The following PLPPR1 variants were observed in gnomAD, a reference collection of about 807,000 sequenced individuals.
PLPPR1 encodes phospholipid phosphatase related 1.
In PLPPR1, 10 loss-of-function variants were observed where a neutral mutation model predicts 33.1. That is an observed-to-expected ratio of 0.30 (90% CI 0.19 to 0.51). PLPPR1 has a LOEUF of 0.51. Among genes scored for constraint, PLPPR1 ranks in the 20% least tolerant of loss-of-function variants. The pLI is 0.97. For synonymous variants in PLPPR1, 151 were observed against 151.0 expected, an observed-to-expected ratio of 1.00 and a Z score of 0.00; for missense variants, 304 against 408.1, an observed-to-expected ratio of 0.74 and a Z score of 2.20.
intron 2 of PLPPR1, among the ~76,000 whole-genome samples, chr9:101,226,991 G>C (rs1174330561): frequency 6.6e-6 from 1 of 152,162 alleles, no homozygotes; most frequent in Non-Finnish European, 1.5e-5. Context: ...GGCACCAAAA[G>C]AGGCTGAACC....
chr9:101,259,788 G>C (rs752576928), intron 2 of PLPPR1, among the ~76,000 whole-genome samples: 1 of 152,110 alleles, frequency 6.6e-6, no homozygotes, highest in Admixed American at 6.6e-5. Context: ...CAGGGAGGGG[G>C]CTTCCAGGTC....
intron 1 of PLPPR1, among the ~76,000 whole-genome samples, chr9:101,117,009 A>G (rs953330588): frequency 6.6e-6 from 1 of 152,064 alleles, no homozygotes; most frequent in Admixed American, 6.5e-5. Flanking sequence ...CAGGGATATC[A>G]TATCATCGTT....
chr9:101,072,158 A>G (rs1182985711), intron 1 of PLPPR1, among the ~76,000 whole-genome samples: 2 of 152,224 alleles, frequency 1.3e-5, no homozygotes, highest in Middle Eastern at 3.4e-3. Flanking sequence ...TCTAGCGTCA[A>G]TACTGTAAAT....
chr9:101,067,084 G>A (rs989705437), intron 1 of PLPPR1, among the ~76,000 whole-genome samples: 1 of 152,038 alleles, frequency 6.6e-6, no homozygotes, highest in African/African-American at 2.4e-5. Flanking sequence ...TTCAAGCTTT[G>A]TTCTCTGTAA....
At chr9:101,150,113 T>G (rs1212798984) in intron 1 of PLPPR1, among the ~76,000 whole-genome samples, 2 of 152,206 alleles carry the variant, frequency 1.3e-5, no homozygotes, top group Middle Eastern at 3.4e-3. Context: ...ATTTTCCATT[T>G]CTCTGCCAAC....
chr9:101,132,864 C>T (rs561367520), intron 1 of PLPPR1, among the ~76,000 whole-genome samples: 1 of 152,208 alleles, frequency 6.6e-6, no homozygotes, highest in East Asian at 1.9e-4. Context: ...TAGTGAATTC[C>T]AGTACTTAAG....
At position 101,029,675 on chromosome 9, in the gene PLPPR1, T is replaced by TTCTCA. The variant is rs1374263989; in HGVS notation, c.-46+576_-46+580dup. ...AAAATTGGAGGGGCGGCCTTCGGCT[T>TTCTCA]TCTCATCGAGCTCCGGTGCCAAAGG... On this transcript the variant is annotated intron_variant, in intron 1 of 7. Transcript: ENST00000374874. Among the ~76,000 whole-genome samples, 4 of 152,272 alleles carry TTCTCA rather than the reference T, an allele frequency of 2.6e-5. No homozygotes were observed. In the East Asian group the frequency reaches 7.8e-4, roughly 30 times the overall value.
chr9:101,109,445 C>G (rs1192053190), intron 1 of PLPPR1, among the ~76,000 whole-genome samples: 1 of 152,138 alleles, frequency 6.6e-6, no homozygotes, highest in Non-Finnish European at 1.5e-5. Flanking sequence ...TCTCTTTTGA[C>G]ATTGCTCATC....
In PLPPR1 at chr9:101,040,958, C is replaced by T. The variant is rs140337253; in HGVS notation, c.-46+11856C>T. On this transcript the variant is annotated intron_variant, in intron 1 of 7. Coordinates refer to ENST00000374874, the MANE Select transcript of PLPPR1 (RefSeq NM_207299.2). ...CGTCTTGAGAATGGATTTAAGACAC[C>T]GGTGGCAATCACTAGGTCTGAAACG... 4.8e-3 allele frequency among the ~76,000 whole-genome samples: 725 copies of T among 152,084 alleles called. 13 individuals carry two copies. Among genetic ancestry groups the T allele is most frequent in the African/African-American group, 0.016 (663 of 41,494 alleles).
chr9:101,278,061 C>A (rs1828229824), intron 3 of PLPPR1, among the ~76,000 whole-genome samples: 1 of 152,164 alleles, frequency 6.6e-6, no homozygotes, highest in East Asian at 1.9e-4. Flanking sequence ...TGATATCACC[C>A]AGTACTAGAG....
intron 4 of PLPPR1, among the ~76,000 whole-genome samples, chr9:101,296,810 C>G (rs12339943): frequency 0.092 from 13,489 of 146,662 alleles, 1,449 homozygotes; most frequent in African/African-American, 0.26. Flanking sequence ...GTGGGTGGAG[C>G]GGGGAGGGAT....
intron 4 of PLPPR1, among the ~76,000 whole-genome samples, chr9:101,293,209 C>T (rs1462342755): frequency 3.3e-5 from 5 of 150,012 alleles, no homozygotes; most frequent in African/African-American, 5.0e-5. Context: ...ACAAAAAAGG[C>T]CATTACATAA....
intron 1 of PLPPR1, among the ~76,000 whole-genome samples, chr9:101,117,695 C>A (rs1554727412): frequency 6.6e-6 from 1 of 151,176 alleles, no homozygotes; most frequent in Non-Finnish European, 1.5e-5. Flanking sequence ...TGAAATCACA[C>A]ATGTGAAAGA....
intron 2 of PLPPR1, among the ~76,000 whole-genome samples, chr9:101,228,855 A>G (rs1176511039): frequency 1.3e-5 from 2 of 152,168 alleles, no homozygotes; most frequent in African/African-American, 4.8e-5. Flanking sequence ...GAAGACCAAT[A>G]GGAAGTTAAT....
intron 2 of PLPPR1, among the ~76,000 whole-genome samples, chr9:101,247,081 G>A (rs2118859363): frequency 6.6e-6 from 1 of 151,994 alleles, no homozygotes; most frequent in South Asian, 2.1e-4. Context: ...GTGTATATGG[G>A]AGGTCTCATA....
chr9:101,278,848 A>T (rs2118906373), intron 3 of PLPPR1, among the ~76,000 whole-genome samples: 1 of 152,352 alleles, frequency 6.6e-6, no homozygotes. Context: ...AGGCCTCAGC[A>T]GCCCCAGGTT....
rs1196971600 is a variant in PLPPR1 at position 101,053,791 on chromosome 9, C to T, written c.-46+24689C>T. On this transcript the variant is annotated intron_variant, in intron 1 of 7. Coordinates refer to ENST00000374874, the MANE Select transcript of PLPPR1 (RefSeq NM_207299.2). The stretch of plus-strand genomic sequence containing the variant: ...TGGGGCTTGATCATAAATGGCCTTG[C>T]GTATGAGGCTGAGAAGACAAGCCTT... Among the ~76,000 whole-genome samples, 11 of 152,202 alleles carry T rather than the reference C, an allele frequency of 7.2e-5. No homozygotes were observed. The South Asian group carries it at 1.2e-3, about 17-fold the overall frequency.
intron 2 of PLPPR1, among the ~76,000 whole-genome samples, chr9:101,206,990 C>G (rs1826599906): frequency 6.6e-6 from 1 of 152,062 alleles, no homozygotes; most frequent in South Asian, 2.1e-4. Flanking sequence ...CCCTTTCCAC[C>G]CTAGGTTTGG....
chr9:101,229,700 T>A (rs1827143632), intron 2 of PLPPR1, among the ~76,000 whole-genome samples: 1 of 152,136 alleles, frequency 6.6e-6, no homozygotes, highest in South Asian at 2.1e-4. Flanking sequence ...TACAACAAGA[T>A]CTTTAATAGG....
Sources: gnomAD v4.1 joint callset for allele counts (sites outside exome capture counted in the v4.1 genomes callset) on GRCh38, gnomAD v4.1.1 for gene constraint, MANE v1.5 for transcripts, NCBI Gene and HGNC (gene_info 2026-07-23, HGNC 2026-07-21) for gene names.